FRMPD1: variants seen among roughly 807,000 people sequenced by gnomAD.
The protein encoded by FRMPD1 is FERM and PDZ domain containing 1.
In FRMPD1, 76 loss-of-function variants were observed where a neutral mutation model predicts 117.8. The observed-to-expected ratio is 0.65, with a 90% CI of 0.54 to 0.78. FRMPD1 has a LOEUF of 0.78. FRMPD1 is among the 30% of genes least tolerant of loss of function. The pLI, the probability that FRMPD1 is intolerant of heterozygous loss-of-function variation, is 0.00. For missense variants in FRMPD1, 1,786 were observed against 1,964.5 expected (o/e 0.91, Z 1.72); for synonymous variants, 783 against 770.4 (o/e 1.02, Z -0.27).
the FRMPD1 span, among the ~76,000 whole-genome samples, chr9:37,624,308 C>T: frequency 3.9e-5 from 6 of 152,162 alleles, no homozygotes; most frequent in African/African-American, 1.4e-4. Flanking sequence ...AATGTGACTG[C>T]ATAATGCAAT....
At chr9:37,627,497 T>TA in the FRMPD1 span, among the ~76,000 whole-genome samples, 5 of 152,342 alleles carry the variant, frequency 3.3e-5, no homozygotes, top group Non-Finnish European at 4.4e-5. Flanking sequence ...GAGACAGTGC[T>TA]AAACCCTCAC....
In FRMPD1 at chr9:37,733,838, GA is replaced by G; in HGVS notation, c.1218+15del. 1 of 1,385,498 alleles carries G rather than the reference GA, an allele frequency of 7.2e-7. No individual in the cohort carries two copies. Among genetic ancestry groups the G allele is most frequent in the Non-Finnish European group, 1.0e-6 (1 of 971,582 alleles). The allele number at this position is 1,385,498 out of a possible 1,614,324, so 85.8% of individuals were successfully genotyped here. On this transcript the variant is annotated intron_variant, in intron 12 of 15. Transcript: ENST00000377765. ...TGCTACTTTAATGGTATGTATTAGA[GA>G]ACTGTGAAATCCTACTCACGTAAGG... is the stretch of plus-strand genomic sequence containing the variant.
At chr9:37,683,730 A>T (rs13301577) in intron 1 of FRMPD1, among the ~76,000 whole-genome samples, 566 of 28,294 alleles carry the variant, frequency 0.02, no homozygotes, top group Middle Eastern at 0.05. Context: ...TGACAGGTAA[A>T]ACAGTTCTGC....
intron 1 of FRMPD1, among the ~76,000 whole-genome samples, chr9:37,664,564 T>G (rs1203700326): frequency 6.6e-6 from 1 of 151,878 alleles, no homozygotes; most frequent in African/African-American, 2.4e-5. Context: ...AGTGAGAACA[T>G]GCGGTGTTTG....
chr9:37,631,709 T>G, the FRMPD1 span, among the ~76,000 whole-genome samples: 3 of 152,146 alleles, frequency 2.0e-5, no homozygotes, highest in Non-Finnish European at 2.9e-5. Context: ...GCTCAAGCAA[T>G]CCTCCTGCCT....
intron 15 of FRMPD1, among the ~76,000 whole-genome samples, chr9:37,744,176 A>T (rs56124644): frequency 6.6e-6 from 1 of 151,818 alleles, no homozygotes; most frequent in African/African-American, 2.4e-5. Flanking sequence ...GGTGACAGAA[A>T]GAGACTCCGT....
chr9:37,666,907 TC>T (rs1339566362), intron 1 of FRMPD1, among the ~76,000 whole-genome samples: 1 of 152,078 alleles, frequency 6.6e-6, no homozygotes, highest in African/African-American at 2.4e-5. Context: ...CTTTGATCCT[TC>T]CTCACTGAGG....
At chr9:37,638,147 C>T in the FRMPD1 span, among the ~76,000 whole-genome samples, 2 of 151,610 alleles carry the variant, frequency 1.3e-5, no homozygotes, top group Admixed American at 6.6e-5. Flanking sequence ...TATCTCGGCT[C>T]GCTGCAACCT....
chr9:37,719,758 G>T (rs911297396), intron 6 of FRMPD1, among the ~76,000 whole-genome samples: 3 of 152,172 alleles, frequency 2.0e-5, no homozygotes, highest in Non-Finnish European at 4.4e-5. Context: ...TGGTTCTTTG[G>T]TTTTTCACTA....
intron 1 of FRMPD1, among the ~76,000 whole-genome samples, chr9:37,665,383 G>T (rs148347738): frequency 6.6e-6 from 1 of 152,198 alleles, no homozygotes; most frequent in East Asian, 1.9e-4. Context: ...TTTGGAGAGC[G>T]TTGTTTGAGC....
At chr9:37,709,236 C>T (rs1047714378) in intron 4 of FRMPD1, among the ~76,000 whole-genome samples, 4 of 151,860 alleles carry the variant, frequency 2.6e-5, no homozygotes, top group African/African-American at 9.7e-5. Flanking sequence ...AGTATAAAGA[C>T]AGACGAGAAT....
chr9:37,633,846 G>A, the FRMPD1 span, among the ~76,000 whole-genome samples: 1 of 152,218 alleles, frequency 6.6e-6, no homozygotes, highest in Non-Finnish European at 1.5e-5. Flanking sequence ...GAGTGACAGA[G>A]TGAGACCCTG....
chr9:37,651,108 C>G lies in FRMPD1; in HGVS notation c.-5+14C>G, dbSNP rs924358403. 15 of 152,490 alleles carry G rather than the reference C, an allele frequency of 9.8e-5. No individual in the cohort carries two copies. The highest frequency in any genetic ancestry group is 7.2e-4 in the Admixed American group (11 of 15,302). 9.4% of individuals were successfully genotyped at this position (152,490 alleles called of 1,614,324 possible). A position where few individuals can be genotyped will look rare whatever the true frequency, so the allele number is the denominator to read the frequency against. The stretch of plus-strand genomic sequence containing the variant: ...CCTCCTCTGCAGGTAAGGGAGGGGT[C>G]CTGGCACCGCAAAGTTTTGGGGAGA... On this transcript the variant is annotated intron_variant, in intron 1 of 15. Coordinates refer to ENST00000377765, the MANE Select transcript of FRMPD1 (RefSeq NM_014907.3).
intron 1 of FRMPD1, among the ~76,000 whole-genome samples, chr9:37,658,472 C>G (rs1425141644): frequency 6.6e-6 from 1 of 152,186 alleles, no homozygotes; most frequent in Non-Finnish European, 1.5e-5. Flanking sequence ...AACAAATCAC[C>G]TCAATCTTGG....
chr9:37,643,710 C>A, the FRMPD1 span, among the ~76,000 whole-genome samples: 6 of 152,248 alleles, frequency 3.9e-5, no homozygotes, highest in Non-Finnish European at 5.9e-5. Flanking sequence ...CTCTGATCTG[C>A]TTTGGCTACT....
chr9:37,610,217 T>C, the FRMPD1 span, among the ~76,000 whole-genome samples: 2 of 152,212 alleles, frequency 1.3e-5, no homozygotes, highest in Non-Finnish European at 2.9e-5. Flanking sequence ...ACGGGATACA[T>C]GTGATATTTT....
chr9:37,637,300 G>A, the FRMPD1 span: 2 of 1,388,320 alleles, frequency 1.4e-6, no homozygotes, highest in South Asian at 1.2e-5. Flanking sequence ...TCATGGCGGC[G>A]GCGGAAGCCC....
chr9:37,666,060 A>C (rs1360572139), intron 1 of FRMPD1, among the ~76,000 whole-genome samples: 3 of 152,110 alleles, frequency 2.0e-5, no homozygotes, highest in African/African-American at 4.8e-5. Flanking sequence ...CTCATCGTTA[A>C]TTTTCACAGT....
chr9:37,643,011 T>C, the FRMPD1 span, among the ~76,000 whole-genome samples: 1 of 152,220 alleles, frequency 6.6e-6, no homozygotes, highest in Non-Finnish European at 1.5e-5. Context: ...TCTCTCTGTA[T>C]AGTTTTTAAA....
Sources: allele counts gnomAD v4.1 joint callset (sites outside exome capture counted in the v4.1 genomes callset), GRCh38; gene constraint gnomAD v4.1.1; transcripts MANE v1.5; gene names NCBI Gene and HGNC (gene_info 2026-07-23, HGNC 2026-07-21).